The following MIA2 variants were observed in gnomAD, a reference collection of about 807,000 sequenced individuals.
MIA2 encodes MIA SH3 domain ER export factor 2, also known as melanoma inhibitory activity protein 2.
Under a neutral mutation model 167.8 loss-of-function variants are expected in MIA2, and 127 were observed. That is an observed-to-expected ratio of 0.76 (90% CI 0.66 to 0.88). The LOEUF is 0.88. Ranked by LOEUF, MIA2 falls within the 40% of genes least tolerant of loss-of-function variation. MIA2 has a pLI of 0.00. For synonymous variants in MIA2, 552 were observed against 541.9 expected (o/e 1.02, Z -0.26); for missense variants, 1,690 against 1,624.7 (o/e 1.04, Z -0.69).
intron 25 of MIA2, among the ~76,000 whole-genome samples, chr14:39,338,032 A>T (rs1202128569): frequency 1.3e-5 from 2 of 152,120 alleles, no homozygotes; most frequent in African/African-American, 4.8e-5. Context: ...CATATATAAC[A>T]TTCTTGAAAT....
intron 6 of MIA2, among the ~76,000 whole-genome samples, chr14:39,264,753 T>A (rs1281991541): frequency 6.6e-6 from 1 of 152,224 alleles, no homozygotes; most frequent in East Asian, 1.9e-4. Flanking sequence ...ACACTGCCTG[T>A]TTAATTAAAA....
intron 25 of MIA2, among the ~76,000 whole-genome samples, chr14:39,333,168 GTGA>G (rs2070603020): frequency 6.6e-6 from 1 of 152,042 alleles, no homozygotes; most frequent in African/African-American, 2.4e-5. Context: ...TTGGCCTCTA[GTGA>G]TGATATTTTC....
rs930662709 is a variant in MIA2 at position 39,387,699 on chromosome 14, A to C, written c.*747A>C. 8 of 152,376 alleles carry C rather than the reference A, an allele frequency of 5.3e-5. No homozygotes were observed. The East Asian group carries it at 7.7e-4, about 15-fold the overall frequency. The allele number at this position is 152,376 out of a possible 1,614,324, so 9.4% of individuals were successfully genotyped here. A position where few individuals can be genotyped will look rare whatever the true frequency, so the allele number is the denominator to read the frequency against. On this transcript the variant is annotated 3_prime_UTR_variant, in exon 24 of 24. Transcript: ENST00000341502. Reference sequence around the variant, plus strand: ...TTCTGTGGGGAAAAAGCTATAAAACATCATGGCATACTACAGAGAAAATGT... The same window carrying C: ...TTCTGTGGGGAAAAAGCTATAAAACCTCATGGCATACTACAGAGAAAATGT...
chr14:39,295,592 ACT>A (rs1433851847), intron 13 of MIA2, among the ~76,000 whole-genome samples: 1 of 151,738 alleles, frequency 6.6e-6, no homozygotes, highest in Non-Finnish European at 1.5e-5. Context: ...ACGGAGTCTC[ACT>A]CTGTTGCCAG....
chr14:39,285,938 AG>A (rs2059708489), intron 9 of MIA2, among the ~76,000 whole-genome samples: 1 of 145,896 alleles, frequency 6.9e-6, no homozygotes, highest in Non-Finnish European at 1.5e-5. Flanking sequence ...GCGGCCGGGA[AG>A]AGGCGCTCCT....
chr14:39,386,045 C>T, intron 23 of MIA2: 1 of 1,149,134 alleles, frequency 8.7e-7, no homozygotes, highest in Non-Finnish European at 1.3e-6. Context: ...CCCGGACAAC[C>T]TCTTCTTGCA....
chr14:39,348,511 T>C (rs2073890262), intron 27 of MIA2, among the ~76,000 whole-genome samples: 2 of 152,208 alleles, frequency 1.3e-5, no homozygotes, highest in African/African-American at 4.8e-5. Context: ...TTAGCCAGAC[T>C]GTTACTTTGT....
intron 8 of MIA2, 24 bp from the exon 9 acceptor site, chr14:39,279,425 G>A: frequency 6.2e-7 from 1 of 1,602,340 alleles, no homozygotes; most frequent in Non-Finnish European, 8.5e-7. Context: ...TTTACTCATG[G>A]TAATATTGAC....
rs79743784 is a variant in MIA2, at chr14:39,327,027, G to A, written c.3655+5G>A. ...GGATGATGTTTCCTCCGCCAGGTAT[G>A]TAAAGACAATAGTTATTATTTCTCT... is the stretch of plus-strand genomic sequence containing the variant. On this transcript the variant is annotated splice_donor_5th_base_variant and intron_variant, in intron 25 of 28. Transcript: ENST00000640607. 1,190 of 1,496,648 alleles carry A rather than the reference G, an allele frequency of 8.0e-4. No individual in the cohort carries two copies. The highest frequency in any genetic ancestry group is 9.9e-4 in the Non-Finnish European group (1,120 of 1,127,584). The allele number at this position is 1,496,648 out of a possible 1,614,324, so 92.7% of individuals were successfully genotyped here.
chr14:39,314,286 C>G (rs2064914549), intron 19 of MIA2, among the ~76,000 whole-genome samples: 1 of 151,602 alleles, frequency 6.6e-6, no homozygotes, highest in Non-Finnish European at 1.5e-5. Context: ...ACTCAGGAGA[C>G]TGGTGCAGGA....
chr14:39,320,999 A>G lies in MIA2; in HGVS notation c.3439A>G (p.Thr1147Ala), dbSNP rs755503232. The G allele has an allele frequency of 4.2e-5, 68 of 1,613,450 alleles. No homozygotes were observed. The highest frequency in any genetic ancestry group is 5.3e-5 in the Non-Finnish European group (62 of 1,179,692). The change falls in exon 24 of 29, where the codon ACT (threonine) becomes GCT (alanine). Residue 1147 changes from threonine to alanine, a missense_variant. By Grantham distance (58) the Thr-to-Ala change is moderately conservative. Coordinates refer to ENST00000640607, the MANE Select transcript of MIA2 (RefSeq NM_001329214.4). The part of the protein sequence containing the change: ...SETRAFLSPP[T>A]LLEGPLRLSP... ...AACAAGAGCTTTTCTCTCTCCTCCA[A>G]CTTTGTTGGAGGGTCCACTCAGACT... is the stretch of plus-strand genomic sequence containing the variant.
chr14:39,288,457 A>ATT lies in MIA2; in HGVS notation c.2131-2561_2131-2560insTT, dbSNP rs1566747630. 1.1e-3 allele frequency among the ~76,000 whole-genome samples: 19 copies of ATT among 16,580 alleles called. 3 individuals carry two copies. The highest frequency in any genetic ancestry group is 2.7e-3 in the African/African-American group (18 of 6,748). The allele number at this position is 16,580 out of a possible 152,430, so 10.9% of individuals were successfully genotyped here. A position where few individuals can be genotyped will look rare whatever the true frequency, so the allele number is the denominator to read the frequency against. ...CATATATATATATATATATATATAT[A>ATT]TATATATATATATATATATTTTTTT... On this transcript the variant is annotated intron_variant, in intron 9 of 28. Transcript: ENST00000640607.
chr14:39,269,074 G>GTTTTTTTTTTTTTTTTTTTTTTTTTT (rs3065036), intron 6 of MIA2: 4 of 583,230 alleles, frequency 6.9e-6, no homozygotes, highest in Non-Finnish European at 8.0e-6. Context: ...CACCTGCACA[G>GTTTTTTTTTTTTTTTTTTTTTTTTTT]TTTTTTTTTT....
intron 25 of MIA2, among the ~76,000 whole-genome samples, chr14:39,335,574 C>T (rs2070184637): frequency 6.6e-6 from 1 of 152,100 alleles, no homozygotes; most frequent in Non-Finnish European, 1.5e-5. Flanking sequence ...CTCATATGCC[C>T]TATTCCAGAC....
chr14:39,255,174 T>A (rs1594700924), intron 6 of MIA2, among the ~76,000 whole-genome samples: 1 of 152,272 alleles, frequency 6.6e-6, no homozygotes, highest in African/African-American at 2.4e-5. Context: ...TTATTCTGTA[T>A]GATTTGGTGT....
At chr14:39,294,397 CA>C (rs1340759271) in intron 12 of MIA2, among the ~76,000 whole-genome samples, 2 of 151,652 alleles carry the variant, frequency 1.3e-5, no homozygotes, top group Non-Finnish European at 2.9e-5. Flanking sequence ...AGGGTTTCAC[CA>C]TGATGGCCAG....
chr14:39,291,168 A>ACT, intron 10 of MIA2, 72 bp downstream of exon 10: 1 of 1,335,688 alleles, frequency 7.5e-7, no homozygotes, highest in Non-Finnish European at 1.0e-6. Context: ...TTAAAAATGT[A>ACT]TCTTCTGAAA....
intron 13 of MIA2, among the ~76,000 whole-genome samples, chr14:39,298,567 G>A (rs143482826): frequency 1.2e-3 from 83 of 70,716 alleles, no homozygotes; most frequent in Middle Eastern, 0.011. Context: ...GAGCAACATG[G>A]CTGTTTATTT....
In MIA2 at chr14:39,302,049, A is replaced by G. The variant is rs879015573; in HGVS notation, c.2620-80A>G. The G allele has an allele frequency of 4.8e-5, 70 of 1,466,416 alleles. 1 individual carries two copies. The South Asian group carries it at 8.7e-4, about 18-fold the overall frequency. The allele number at this position is 1,466,416 out of a possible 1,614,324, so 90.8% of individuals were successfully genotyped here. On this transcript the variant is annotated intron_variant, in intron 14 of 28. Coordinates refer to ENST00000640607, the MANE Select transcript of MIA2 (RefSeq NM_001329214.4). ...ATTTATGTGGACTGATTTTTAAACTATAACTGTACATTCACAAGTTGTAAA... is the reference window on the plus strand; with the variant it reads ...ATTTATGTGGACTGATTTTTAAACTGTAACTGTACATTCACAAGTTGTAAA...
Sources: gnomAD v4.1 joint callset for allele counts (sites outside exome capture counted in the v4.1 genomes callset) on GRCh38, gnomAD v4.1.1 for gene constraint, MANE v1.5 for transcripts, NCBI Gene and HGNC (gene_info 2026-07-23, HGNC 2026-07-21) for gene names.